Variants in CUX1 observed in about 807,000 individuals in gnomAD.
The protein encoded by CUX1 is protein CASP.
CUX1 carries 31 observed loss-of-function variants against 158.8 expected under a neutral mutation model. The observed-to-expected ratio is 0.20, with a 90% CI of 0.15 to 0.26. The LOEUF is 0.26. Among genes scored for constraint, CUX1 ranks in the 10% least tolerant of loss-of-function variants. The probability of loss-of-function intolerance (pLI) is 1.00; values close to 1 mark genes in which losing one functional copy is unlikely to be tolerated. For synonymous variants in CUX1, 879 were observed against 862.1 expected (o/e 1.02, Z -0.34); for missense variants, 1,589 against 2,014.6 (o/e 0.79, Z 4.04).
chr7:102,232,238 C>T (rs1353609790), intron 21 of CUX1, among the ~76,000 whole-genome samples: 4 of 151,982 alleles, frequency 2.6e-5, no homozygotes, highest in Admixed American at 6.6e-5. Flanking sequence ...CCCAGCTACT[C>T]GGGATGCTGA....
In CUX1 at chr7:102,257,765, AT is replaced by A; in HGVS notation, c.*8727del. The A allele has an allele frequency of 2.0e-6, 2 of 983,542 alleles. No individual in the cohort carries two copies. Among genetic ancestry groups the A allele is most frequent in the South Asian group, 4.7e-5 (1 of 21,220 alleles). The allele number at this position is 983,542 out of a possible 1,614,324, so 60.9% of individuals were successfully genotyped here. ...GTCTTACATTTTAGCAGTATTTTAT[AT>A]TTTCTGTAACGCACCAAGTCTTAGA... On this transcript the variant is annotated 3_prime_UTR_variant, in exon 24 of 24. Transcript: ENST00000292535.
intron 2 of CUX1, among the ~76,000 whole-genome samples, chr7:101,968,180 C>T (rs1015194438): frequency 6.6e-6 from 1 of 152,002 alleles, no homozygotes; most frequent in Admixed American, 6.6e-5. Context: ...GCCAGGATTA[C>T]AGGCATGAAC....
At chr7:102,202,812 C>T (rs759843843) in intron 18 of CUX1, among the ~76,000 whole-genome samples, 1 of 152,188 alleles carries the variant, frequency 6.6e-6, no homozygotes, top group Non-Finnish European at 1.5e-5. Context: ...CCCGTGTTTC[C>T]CTATCATCCT....
At position 102,250,625 on chromosome 7, in the gene CUX1, C is replaced by A; in HGVS notation, c.*1583C>A. On this transcript the variant is annotated 3_prime_UTR_variant, in exon 24 of 24. Transcript: ENST00000292535. ...ACACCAAAACGTGGATGCTCTTCAA[C>A]TTCCAAACCTACCATTTGCCCTTCT... 1.0e-6 allele frequency: 1 copy of A among 985,494 alleles called. No individual in the cohort carries two copies. Among genetic ancestry groups the A allele is most frequent in the Non-Finnish European group, 1.2e-6 (1 of 829,952 alleles). The allele number at this position is 985,494 out of a possible 1,614,324, so 61.0% of individuals were successfully genotyped here.
intron 2 of CUX1, among the ~76,000 whole-genome samples, chr7:101,970,600 G>A (rs962934806): frequency 1.3e-5 from 2 of 152,122 alleles, no homozygotes; most frequent in Admixed American, 6.5e-5. Flanking sequence ...CAGTCGCCCA[G>A]GCTGGAGTGC....
chr7:102,282,881 A>G, intron 22 of CUX1: 1 of 738,480 alleles, frequency 1.4e-6, no homozygotes, highest in South Asian at 1.6e-5. Context: ...TTAGCCCTCC[A>G]TCACAGCCCC....
rs146254351 is a variant in CUX1, at chr7:102,201,988, G to A, written c.2691G>A (p.Leu897=). The change falls in exon 18 of 24, where the codon CTG becomes CTA. Residue 897 remains leucine, a synonymous_variant. Transcript: ENST00000292535. This position sits in a 1 kb window ranked among gnomAD's most constrained non-coding sequence, Gnocchi z 5.0. ...ACTCCCAGAGCTCAGAGCTGAGTCTGACCGGGGCCAGCCGCAGCGAGACAC... is the reference window on the plus strand; with the variant it reads ...ACTCCCAGAGCTCAGAGCTGAGTCTAACCGGGGCCAGCCGCAGCGAGACAC... The part of the protein sequence containing the change: ...SPYSQSSELS[L]TGASRSETPQ... 2 of 1,614,010 alleles carry A rather than the reference G, an allele frequency of 1.2e-6. No individual in the cohort carries two copies. The highest frequency in any genetic ancestry group is 1.7e-6 in the Non-Finnish European group (2 of 1,179,994).
intron 2 of CUX1, among the ~76,000 whole-genome samples, chr7:101,983,273 T>G (rs2129220909): frequency 6.6e-6 from 1 of 152,300 alleles, no homozygotes; most frequent in South Asian, 2.1e-4. Flanking sequence ...ATTCTTTGGG[T>G]GACAACCTCT....
intron 9 of CUX1, among the ~76,000 whole-genome samples, chr7:102,164,035 A>G (rs781900617): frequency 3.4e-4 from 52 of 152,302 alleles, no homozygotes; most frequent in Non-Finnish European, 6.5e-4. Context: ...CACTGTCCCA[A>G]TTGGTGACAG....
At chr7:102,263,314 C>CTTTTTTT (rs71123026) in intron 14 of CUX1, among the ~76,000 whole-genome samples, 4 of 89,516 alleles carry the variant, frequency 4.5e-5, no homozygotes, top group Non-Finnish European at 8.1e-5. Context: ...CACACCTAGC[C>CTTTTTTT]TTTTTTTTTT....
At chr7:101,912,534 C>T (rs1803615769) in intron 1 of CUX1, among the ~76,000 whole-genome samples, 1 of 152,148 alleles carries the variant, frequency 6.6e-6, no homozygotes. Flanking sequence ...GATAATGCAT[C>T]CAAATGGCAA....
chr7:101,876,046 C>T (rs1016565930), intron 1 of CUX1, among the ~76,000 whole-genome samples: 4 of 152,118 alleles, frequency 2.6e-5, no homozygotes, highest in Non-Finnish European at 4.4e-5. Context: ...GGAAGTAACA[C>T]GTCAAATACT....
intron 1 of CUX1, among the ~76,000 whole-genome samples, chr7:101,826,831 A>G (rs570239382): frequency 2.0e-5 from 3 of 152,026 alleles, no homozygotes; most frequent in Non-Finnish European, 4.4e-5. Context: ...TGCCCTGATT[A>G]TCCCTTGGGT....
In CUX1 at chr7:102,001,337, CTGTT is replaced by C. The variant is rs113182553; in HGVS notation, c.142-26747_142-26744del. On this transcript the variant is annotated intron_variant, in intron 2 of 23. Transcript: ENST00000292535. Reference sequence around the variant, plus strand: ...TCCTTGTCTTTTAACTGAAAAGCTCCTGTTTGTTTGTTTGTTTATTTTCTGAGAC... The same window carrying C: ...TCCTTGTCTTTTAACTGAAAAGCTCCTGTTTGTTTGTTTATTTTCTGAGAC... Among the ~76,000 whole-genome samples the C allele has an allele frequency of 1.3e-3, 202 of 151,848 alleles. 1 individual carries two copies. The highest frequency in any genetic ancestry group is 4.3e-3 in the African/African-American group (179 of 41,370).
intron 1 of CUX1, among the ~76,000 whole-genome samples, chr7:101,888,288 G>A (rs1006349258): frequency 6.6e-6 from 1 of 152,010 alleles, no homozygotes; most frequent in African/African-American, 2.4e-5. Context: ...CCGAGATCGT[G>A]CCACTGCACT....
chr7:102,104,351 C>A lies in CUX1; in HGVS notation c.422C>A (p.Ala141Glu). ...EVKNQEVTIK[A>E]LKEKIREYEQ... Reference sequence around the variant, plus strand: ...TTTTCTGCAGAGGTTACGATAAAAGCACTTAAAGAGAAAATCCGAGAATAT... The same window carrying A: ...TTTTCTGCAGAGGTTACGATAAAAGAACTTAAAGAGAAAATCCGAGAATAT... Residue 141 changes from alanine (A) to glutamate (E), a missense_variant, in exon 6 of 24, where the codon GCA becomes GAA. Physicochemically the swap from Ala to Glu is moderately radical, Grantham distance 107 (BLOSUM62 -1). This residue lies in a region of CUX1 where 515 missense variants were observed against 574.4 expected (regional missense o/e 0.90). Coordinates refer to ENST00000292535, the MANE Select transcript of CUX1 (RefSeq NM_181552.4). The A allele has an allele frequency of 6.2e-7, 1 of 1,607,188 alleles. No homozygotes were observed.
chr7:102,091,883 A>G (rs797032237), intron 4 of CUX1, among the ~76,000 whole-genome samples: 16 of 151,958 alleles, frequency 1.1e-4, no homozygotes, highest in African/African-American at 3.6e-4. Flanking sequence ...AGCCTCCCAA[A>G]TAGCTGGGAC....
intron 11 of CUX1, among the ~76,000 whole-genome samples, chr7:102,179,944 T>G (rs985004123): frequency 2.6e-5 from 4 of 152,240 alleles, no homozygotes; most frequent in Admixed American, 1.3e-4. Flanking sequence ...CAGGGTTCAT[T>G]GTGAACATTT....
exon 18 of CUX1, chr7:102,277,995 T>G: frequency 6.3e-7 from 1 of 1,587,524 alleles, no homozygotes; most frequent in Middle Eastern, 1.7e-4. Context: ...CAGAGTGAGC[T>G]GGACAGCCTG....
Sources: allele counts gnomAD v4.1 joint callset (sites outside exome capture counted in the v4.1 genomes callset), GRCh38; gene constraint gnomAD v4.1.1; regional missense constraint gnomAD v4.1.1; non-coding constraint Gnocchi (gnomAD v3.1); transcripts MANE v1.5; gene names NCBI Gene and HGNC (gene_info 2026-07-23, HGNC 2026-07-21).